The following DLG2 variants were observed in gnomAD, a reference collection of about 807,000 sequenced individuals.
DLG2 encodes discs large MAGUK scaffold protein 2, also known as disks large homolog 2.
DLG2 carries 45 observed loss-of-function variants against 132.5 expected under a neutral mutation model. That is an observed-to-expected ratio of 0.34 (90% confidence interval 0.27 to 0.44). DLG2 has a LOEUF of 0.44. Ranked by LOEUF, DLG2 falls within the 20% of genes least tolerant of loss-of-function variation. The pLI is 1.00. For missense variants in DLG2, 1,045 were observed against 1,196.9 expected, an observed-to-expected ratio of 0.87 and a Z score of 1.87; for synonymous variants, 424 against 419.6, an observed-to-expected ratio of 1.01 and a Z score of -0.13.
chr11:85,115,195 T>C (rs1195397075), intron 5 of DLG2, among the ~76,000 whole-genome samples: 1 of 151,906 alleles, frequency 6.6e-6, no homozygotes, highest in Non-Finnish European at 1.5e-5. Flanking sequence ...CCATGAATGG[T>C]ACGTTAGGTA....
At chr11:85,414,433 G>A (rs901853515) in intron 3 of DLG2, among the ~76,000 whole-genome samples, 2 of 151,832 alleles carry the variant, frequency 1.3e-5, no homozygotes, top group Admixed American at 6.6e-5. Context: ...TTGCAGTACT[G>A]AGTTGAAGAG....
At chr11:84,463,609 T>G (rs957965704) in intron 7 of DLG2, among the ~76,000 whole-genome samples, 1 of 151,286 alleles carries the variant, frequency 6.6e-6, no homozygotes, top group East Asian at 2.0e-4. Context: ...TCTGGGTGCA[T>G]TGTACTTTAA....
At chr11:85,053,632 C>CAAAAAAA (rs574119257) in intron 6 of DLG2, among the ~76,000 whole-genome samples, 2 of 91,170 alleles carry the variant, frequency 2.2e-5, no homozygotes, top group Non-Finnish European at 4.3e-5. Context: ...ACTAAAAATA[C>CAAAAAAA]AAAAAAAAAA....
chr11:85,085,662 G>A (rs1399223871), intron 6 of DLG2, among the ~76,000 whole-genome samples: 3 of 152,054 alleles, frequency 2.0e-5, no homozygotes, highest in Non-Finnish European at 4.4e-5. Context: ...GACCTATGTT[G>A]AGAGTTTTAC....
At chr11:84,375,483 T>A (rs2098725415) in intron 7 of DLG2, among the ~76,000 whole-genome samples, 1 of 152,170 alleles carries the variant, frequency 6.6e-6, no homozygotes, top group Non-Finnish European at 1.5e-5. Context: ...TAGTTTTTTA[T>A]ACCTTAATTT....
chr11:85,122,980 T>TATATATATATATATATATATA (rs1169673884), intron 5 of DLG2, among the ~76,000 whole-genome samples: 2 of 27,594 alleles, frequency 7.2e-5, no homozygotes, highest in African/African-American at 3.1e-4. Context: ...TTTTTTTTTT[T>TATATATATATATATATATATA]TTTTTTTTTT....
In DLG2 at chr11:84,928,998, A is replaced by G. The variant is rs1447033256; in HGVS notation, c.357+182663T>C. On this transcript the variant is annotated intron_variant, in intron 6 of 27. Transcript: ENST00000376104. The stretch of plus-strand genomic sequence containing the variant: ...TGTGTGTGTGTATATATATATATAT[A>G]TATATATATATATATATATATATAT... Among the ~76,000 whole-genome samples, 618 of 124,718 alleles carry G rather than the reference A, an allele frequency of 5.0e-3. 7 individuals are homozygous for G. The highest frequency in any genetic ancestry group is 0.015 in the African/African-American group (476 of 32,208). 81.8% of individuals were successfully genotyped at this position (124,718 alleles called of 152,430 possible). A position where few individuals can be genotyped will look rare whatever the true frequency, so the allele number is the denominator to read the frequency against.
chr11:85,282,548 C>T (rs1441473578), intron 4 of DLG2, among the ~76,000 whole-genome samples: 1 of 151,708 alleles, frequency 6.6e-6, no homozygotes, highest in Non-Finnish European at 1.5e-5. Context: ...GCACAAATTG[C>T]TAACATCAGT....
At chr11:84,994,663 G>C (rs761217766) in intron 6 of DLG2, among the ~76,000 whole-genome samples, 9 of 152,138 alleles carry the variant, frequency 5.9e-5, no homozygotes, top group Middle Eastern at 3.2e-3. Flanking sequence ...TTGTGTTTTG[G>C]GGGGAGATTA....
At chr11:83,548,056 G>C (rs1321788181) in intron 19 of DLG2, among the ~76,000 whole-genome samples, 2 of 152,156 alleles carry the variant, frequency 1.3e-5, no homozygotes, top group Non-Finnish European at 2.9e-5. Flanking sequence ...AGCTCAAATG[G>C]AAATGAGAAG....
At chr11:84,379,870 T>C (rs980065931) in intron 7 of DLG2, among the ~76,000 whole-genome samples, 1 of 151,994 alleles carries the variant, frequency 6.6e-6, no homozygotes, top group Non-Finnish European at 1.5e-5. Context: ...CAACAGCATT[T>C]ATCATAAGAA....
At position 84,727,181 on chromosome 11, in the gene DLG2, C is replaced by G. The variant is rs140223243; in HGVS notation, c.358-192450G>C. 5.9e-3 allele frequency among the ~76,000 whole-genome samples: 901 copies of G among 152,286 alleles called. 4 individuals carry two copies. Among genetic ancestry groups the G allele is most frequent in the Non-Finnish European group, 0.01 (690 of 68,032 alleles). Reference sequence around the variant, plus strand: ...CGAAGTCTTTGCCCATGCCTATGTCCTGAATGGTATTGCCCAGGTTTTCTT... The same window carrying G: ...CGAAGTCTTTGCCCATGCCTATGTCGTGAATGGTATTGCCCAGGTTTTCTT... On this transcript the variant is annotated intron_variant, in intron 6 of 27. Coordinates refer to ENST00000376104, the MANE Select transcript of DLG2 (RefSeq NM_001142699.3).
In DLG2 at chr11:83,755,107, T is replaced by C. The variant is rs1348416129; in HGVS notation, c.1825+31583A>G. On this transcript the variant is annotated intron_variant, in intron 18 of 27. Coordinates refer to ENST00000376104, the MANE Select transcript of DLG2 (RefSeq NM_001142699.3). The stretch of plus-strand genomic sequence containing the variant: ...TGATGTGTTGCAAGATCTTACCTAC[T>C]TTTACCTTATTTCAAAGAAGATTGT... Among the ~76,000 whole-genome samples the C allele has an allele frequency of 2.0e-5, 3 of 151,368 alleles. 1 individual carries two copies. Among genetic ancestry groups the C allele is most frequent in the African/African-American group, 7.4e-5 (3 of 40,712 alleles).
intron 6 of DLG2, among the ~76,000 whole-genome samples, chr11:84,898,268 A>C (rs574390307): frequency 6.6e-6 from 1 of 152,106 alleles, no homozygotes; most frequent in African/African-American, 2.4e-5. Flanking sequence ...ATTAAACAAA[A>C]ATAGTCATTT....
intron 6 of DLG2, among the ~76,000 whole-genome samples, chr11:84,897,018 C>A (rs12273398): frequency 0.097 from 14,669 of 151,738 alleles, 938 homozygotes; most frequent in African/African-American, 0.18. Context: ...AACCAACCAG[C>A]TTAAGAAATG....
chr11:84,317,210 C>G, intron 7 of DLG2: 1 of 1,534,452 alleles, frequency 6.5e-7, no homozygotes, highest in Admixed American at 2.0e-5. Context: ...CCCTCACACC[C>G]CTTTCTTCCA....
chr11:84,362,098 G>C (rs1179120088), intron 7 of DLG2, among the ~76,000 whole-genome samples: 4 of 151,954 alleles, frequency 2.6e-5, no homozygotes, highest in Middle Eastern at 3.4e-3. Context: ...AAAAGGTAGA[G>C]ATTGATGGAT....
At chr11:85,503,423 T>C (rs2153134926) in intron 3 of DLG2, among the ~76,000 whole-genome samples, 1 of 152,248 alleles carries the variant, frequency 6.6e-6, no homozygotes, top group African/African-American at 2.4e-5. Flanking sequence ...CTCCCTGTTT[T>C]CCCATATAAC....
chr11:85,266,446 G>T (rs79746016), intron 4 of DLG2, among the ~76,000 whole-genome samples: 3,023 of 152,190 alleles, frequency 0.02, 57 homozygotes, highest in Admixed American at 0.037. Context: ...ACATCACACA[G>T]TAGGGCCTGT....
Sources: allele counts gnomAD v4.1 joint callset (sites outside exome capture counted in the v4.1 genomes callset), GRCh38; gene constraint gnomAD v4.1.1; transcripts MANE v1.5; gene names NCBI Gene and HGNC (gene_info 2026-07-23, HGNC 2026-07-21).